REPS2: variants seen among roughly 807,000 people sequenced by gnomAD.
REPS2 encodes RALBP1 associated Eps domain containing 2, also known as ralBP1-associated Eps domain-containing protein 2.
Under a neutral mutation model 53.6 loss-of-function variants are expected in REPS2, and 23 were observed. The ratio of observed to expected loss-of-function variants is 0.43; its 90% CI spans 0.31 to 0.61. The LOEUF (loss-of-function observed/expected upper bound fraction) is 0.61, where lower values mean the gene tolerates loss of function less well. REPS2 is among the 20% of genes least tolerant of loss of function. The pLI is 0.11. For missense variants in REPS2, 446 were observed against 534.9 expected (o/e 0.83, Z 1.64); for synonymous variants, 238 against 218.6 (o/e 1.09, Z -0.78).
chrX:17,147,055 A>T (rs374625623), intron 17 of REPS2, among the ~76,000 whole-genome samples: 45 of 111,915 alleles, frequency 4.0e-4, no homozygotes, highest in African/African-American at 1.5e-3. Context: ...ACTGCTCAGT[A>T]TTGGGAGTCT....
chrX:17,120,019 G>A (rs534446572), intron 14 of REPS2, among the ~76,000 whole-genome samples: 86 of 110,247 alleles, frequency 7.8e-4, no homozygotes, highest in Middle Eastern at 9.5e-3. Flanking sequence ...TGGGATTACA[G>A]GCACATGCCA....
In REPS2 at chrX:17,077,324, C is replaced by G. The variant is rs965584788; in HGVS notation, c.1433C>G (p.Pro478Arg). ...EEAMKRGEDPPTPPPRPQKTH... is the reference protein window; with the variant it reads ...EEAMKRGEDPRTPPPRPQKTH... ...GCCATGAAAAGGGGCGAGGACCCTC[C>G]CACCCCGCCACCTCGGCCACAGAAA... The change falls in exon 13 of 18, where the codon CCC (proline) becomes CGC (arginine). Residue 478 changes from proline (P) to arginine (R), a missense_variant. Coordinates refer to ENST00000357277, the MANE Select transcript of REPS2 (RefSeq NM_004726.3). 1 of 1,206,942 alleles carries G rather than the reference C, an allele frequency of 8.3e-7. No individual in the cohort carries two copies. Among genetic ancestry groups the G allele is most frequent in the African/African-American group, 1.8e-5 (1 of 57,013 alleles).
chrX:17,163,339 C>T, the REPS2 span, among the ~76,000 whole-genome samples: 2 of 111,221 alleles, frequency 1.8e-5, no homozygotes, highest in South Asian at 7.5e-4. Flanking sequence ...TGAACAGGGC[C>T]TCAGAGGCCT....
chrX:17,085,476 C>T (rs1356263753), intron 13 of REPS2, among the ~76,000 whole-genome samples: 1 of 111,695 alleles, frequency 9.0e-6, no homozygotes, highest in Admixed American at 9.5e-5. Flanking sequence ...GTTAGTATTG[C>T]GGTTTTAATA....
At chrX:16,976,983 TGA>T (rs1408278142) in intron 1 of REPS2, among the ~76,000 whole-genome samples, 2 of 111,751 alleles carry the variant, frequency 1.8e-5, no homozygotes, top group Non-Finnish European at 3.8e-5. Flanking sequence ...AGGACAAGCC[TGA>T]GTCTCCTGCT....
rs1408826402 is a variant in REPS2, at chrX:16,950,028, C to A, written c.273+2894C>A. On this transcript the variant is annotated intron_variant, in intron 1 of 17. Transcript: ENST00000357277. ...TCTAAAAATCTGTGCTCTATTGATT[C>A]ATCCCTCCCTCTCCACTAACATGTG... Among the ~76,000 whole-genome samples the A allele has an allele frequency of 4.6e-5, 5 of 109,851 alleles. No individual in the cohort carries two copies. The Admixed American group carries it at 4.9e-4, about 11-fold the overall frequency.
At position 16,946,732 on chromosome X, in the gene REPS2, T is replaced by TGGTGGTGGCGGCGGC. The variant is rs1226604436; in HGVS notation, c.-112_-98dup. The TGGTGGTGGCGGCGGC allele has an allele frequency of 3.5e-3, 2,154 of 612,991 alleles. 10 individuals carry two copies. Among genetic ancestry groups the TGGTGGTGGCGGCGGC allele is most frequent in the Non-Finnish European group, 3.8e-3 (1,987 of 525,059 alleles). 50.5% of individuals were successfully genotyped at this position (612,991 alleles called of 1,213,427 possible). A position where few individuals can be genotyped will look rare whatever the true frequency, so the allele number is the denominator to read the frequency against. On this transcript the variant is annotated 5_prime_UTR_variant, in exon 1 of 18. Coordinates refer to ENST00000357277, the MANE Select transcript of REPS2 (RefSeq NM_004726.3). ...GCGCGGCAGCTGCGGGGCGTGGGGGTGGTGGTGGCGGCGGCGGTGGTGGCG... is the reference window on the plus strand; with the variant it reads ...GCGCGGCAGCTGCGGGGCGTGGGGGTGGTGGTGGCGGCGGCGGTGGTGGCGGCGGCGGTGGTGGCG...
intron 14 of REPS2, among the ~76,000 whole-genome samples, chrX:17,125,185 T>G (rs2063192965): frequency 9.0e-6 from 1 of 111,217 alleles, no homozygotes. Flanking sequence ...TGACTTTTTT[T>G]TTGGTTGCAA....
intron 7 of REPS2, 95 bp from the exon 8 acceptor site, chrX:17,054,713 C>A (rs183440272): frequency 3.2e-6 from 3 of 947,913 alleles, no homozygotes; most frequent in Non-Finnish European, 4.4e-6. Context: ...GTAGGGCCAT[C>A]ACCACAGAGT....
chrX:17,156,565 A>G (rs963129810), downstream of REPS2, among the ~76,000 whole-genome samples: 1 of 111,185 alleles, frequency 9.0e-6, no homozygotes, highest in Non-Finnish European at 1.9e-5. Flanking sequence ...CAACTAACTT[A>G]TAGTCAATTT....
chrX:16,950,011 T>G (rs962780528), intron 1 of REPS2, among the ~76,000 whole-genome samples: 3 of 110,989 alleles, frequency 2.7e-5, no homozygotes, highest in African/African-American at 9.8e-5. Flanking sequence ...GCTCTAAAAA[T>G]CTGTGCTCTA....
At chrX:17,033,217 G>T (rs985161241) in intron 5 of REPS2, among the ~76,000 whole-genome samples, 26 of 111,491 alleles carry the variant, frequency 2.3e-4, no homozygotes, top group African/African-American at 7.2e-4. Flanking sequence ...CCATCTTCTC[G>T]AAATGCTCTC....
At chrX:16,952,145 A>G (rs1453673240) in intron 1 of REPS2, among the ~76,000 whole-genome samples, 3 of 111,223 alleles carry the variant, frequency 2.7e-5, no homozygotes, top group African/African-American at 9.8e-5. Context: ...TTACATAGGT[A>G]TATATATGTG....
intron 1 of REPS2, among the ~76,000 whole-genome samples, chrX:16,991,105 C>G (rs1392414126): frequency 1.8e-5 from 2 of 111,136 alleles, no homozygotes; most frequent in Non-Finnish European, 3.8e-5. Context: ...TCTCTTGCCT[C>G]TGGTTTTTTG....
intron 13 of REPS2, among the ~76,000 whole-genome samples, chrX:17,079,259 G>A (rs1277585047): frequency 1.8e-5 from 2 of 111,525 alleles, no homozygotes; most frequent in Admixed American, 1.9e-4. Context: ...CCATATTCCC[G>A]TGGCCTGCAA....
At chrX:17,038,852 G>T (rs1303329209) in intron 5 of REPS2, among the ~76,000 whole-genome samples, 2 of 112,262 alleles carry the variant, frequency 1.8e-5, no homozygotes, top group Non-Finnish European at 3.8e-5. Context: ...TGGGCTATGT[G>T]ACTGCCTTGC....
intron 17 of REPS2, among the ~76,000 whole-genome samples, chrX:17,142,010 T>A (rs2063453572): frequency 8.9e-6 from 1 of 111,877 alleles, no homozygotes; most frequent in Non-Finnish European, 1.9e-5. Flanking sequence ...GCTCCAGTAA[T>A]CAAGATGCTG....
intron 2 of REPS2, among the ~76,000 whole-genome samples, chrX:17,016,388 A>G (rs1424594455): frequency 1.8e-5 from 2 of 111,874 alleles, no homozygotes; most frequent in East Asian, 5.6e-4. Flanking sequence ...TGAACACTGA[A>G]ATTTGAATTT....
chrX:17,035,402 G>C (rs931542822), intron 5 of REPS2, among the ~76,000 whole-genome samples: 4 of 109,523 alleles, frequency 3.7e-5, no homozygotes, highest in African/African-American at 1.0e-4. Flanking sequence ...TGAGAGAGTT[G>C]GTCATCTGAG....
Sources: gnomAD v4.1 joint callset for allele counts (sites outside exome capture counted in the v4.1 genomes callset) on GRCh38, gnomAD v4.1.1 for gene constraint, MANE v1.5 for transcripts, NCBI Gene and HGNC (gene_info 2026-07-23, HGNC 2026-07-21) for gene names.